The following MTHFD2L variants were observed in gnomAD, a reference collection of about 807,000 sequenced individuals.
MTHFD2L encodes the protein methylenetetrahydrofolate dehydrogenase (NADP+ dependent) 2 like.
MTHFD2L carries 29 observed loss-of-function variants against 34.9 expected under a neutral mutation model. The observed-to-expected ratio is 0.83, with a 90% confidence interval of 0.62 to 1.13. The LOEUF (loss-of-function observed/expected upper bound fraction) is 1.13. Among genes scored for constraint, MTHFD2L ranks in the 50% most tolerant of loss-of-function variants. The pLI is 0.00. For synonymous variants in MTHFD2L, 167 were observed against 155.7 expected (o/e 1.07, Z -0.54); for missense variants, 481 against 446.5 (o/e 1.08, Z -0.70).
chr4:74,191,146 C>T (rs79591712), intron 3 of MTHFD2L, among the ~76,000 whole-genome samples: 7,588 of 152,258 alleles, frequency 0.05, 595 homozygotes, highest in African/African-American at 0.17. Flanking sequence ...GGTGATCCTT[C>T]AACCTCAGCC....
At chr4:74,212,123 T>TA (rs201879436) in intron 5 of MTHFD2L, among the ~76,000 whole-genome samples, 38 of 151,984 alleles carry the variant, frequency 2.5e-4, no homozygotes, top group African/African-American at 8.0e-4. Context: ...TTGTTAATCT[T>TA]AAAAAAAATA....
At chr4:74,239,504 G>C (rs536084055) in intron 6 of MTHFD2L, among the ~76,000 whole-genome samples, 11 of 150,152 alleles carry the variant, frequency 7.3e-5, no homozygotes, top group South Asian at 4.2e-4. Flanking sequence ...AAAAAAAAAG[G>C]CTTCTGGATC....
At chr4:74,270,794 C>A (rs113660724) in intron 6 of MTHFD2L, among the ~76,000 whole-genome samples, 54,045 of 151,600 alleles carry the variant, frequency 0.36, 11,891 homozygotes, top group African/African-American at 0.63. Flanking sequence ...CCAACAGTGT[C>A]AAAGTGTTCC....
At chr4:74,176,990 A>G (rs948472763) in intron 3 of MTHFD2L, among the ~76,000 whole-genome samples, 6 of 151,986 alleles carry the variant, frequency 3.9e-5, no homozygotes, top group African/African-American at 1.4e-4. Context: ...TATATCAAAA[A>G]TTCATACTTC....
At chr4:74,262,040 C>T (rs1309072817) in intron 6 of MTHFD2L, among the ~76,000 whole-genome samples, 2 of 128,334 alleles carry the variant, frequency 1.6e-5, no homozygotes, top group Non-Finnish European at 1.5e-5. Context: ...AAAGCATAGG[C>T]ATAAGAAAAG....
At chr4:74,196,211 G>T (rs1367911904) in intron 3 of MTHFD2L, among the ~76,000 whole-genome samples, 2 of 152,108 alleles carry the variant, frequency 1.3e-5, no homozygotes, top group Non-Finnish European at 2.9e-5. Context: ...AAAAAATATT[G>T]TTTCAATTTG....
intron 1 of MTHFD2L, among the ~76,000 whole-genome samples, chr4:74,162,784 T>G (rs1443387388): frequency 6.6e-6 from 1 of 152,116 alleles, no homozygotes; most frequent in Non-Finnish European, 1.5e-5. Flanking sequence ...GTTGACACAG[T>G]AAATACATGG....
intron 6 of MTHFD2L, among the ~76,000 whole-genome samples, chr4:74,271,301 T>C (rs1161073853): frequency 6.6e-6 from 1 of 152,246 alleles, no homozygotes; most frequent in Non-Finnish European, 1.5e-5. Context: ...TTTATGGTTT[T>C]AGGTCTAATA....
intron 7 of MTHFD2L, among the ~76,000 whole-genome samples, chr4:74,282,373 T>C (rs1747613569): frequency 1.3e-5 from 2 of 152,156 alleles, no homozygotes; most frequent in Non-Finnish European, 2.9e-5. Flanking sequence ...AAAAATACAG[T>C]GCCACATCAA....
rs574497497 is a variant in MTHFD2L at position 74,197,437 on chromosome 4, G to A, written c.452-2357G>A. Among the ~76,000 whole-genome samples the A allele has an allele frequency of 2.0e-5, 3 of 152,234 alleles. No homozygotes were observed. In the East Asian group the frequency reaches 5.8e-4, roughly 29 times the overall value. ...TGCTTTTTTGCATGTGCTTAGACAA[G>A]TATTACTTAATCTAGGAATAGTGTT... On this transcript the variant is annotated intron_variant, in intron 3 of 7. Coordinates refer to ENST00000325278, the MANE Select transcript of MTHFD2L (RefSeq NM_001144978.3).
intron 6 of MTHFD2L, among the ~76,000 whole-genome samples, chr4:74,266,093 A>G (rs1370132873): frequency 6.6e-6 from 1 of 152,230 alleles, no homozygotes; most frequent in African/African-American, 2.4e-5. Flanking sequence ...ACATCCATTA[A>G]GCACTCCTTT....
chr4:74,283,947 C>G (rs1250958359), intron 7 of MTHFD2L, among the ~76,000 whole-genome samples: 1 of 152,088 alleles, frequency 6.6e-6, no homozygotes, highest in Non-Finnish European at 1.5e-5. Flanking sequence ...ATGGGTTATG[C>G]CACAAAACTC....
chr4:74,174,157 A>G (rs1728565725), intron 1 of MTHFD2L, among the ~76,000 whole-genome samples: 1 of 152,062 alleles, frequency 6.6e-6, no homozygotes, highest in Non-Finnish European at 1.5e-5. Context: ...GGACACTAAT[A>G]CCACTTATGA....
At chr4:74,134,238 C>T (rs1333817281) in intron 1 of MTHFD2L, among the ~76,000 whole-genome samples, 1 of 152,086 alleles carries the variant, frequency 6.6e-6, no homozygotes, top group Non-Finnish European at 1.5e-5. Context: ...CATCCTCAGC[C>T]GTAAAAACTC....
At chr4:74,294,511 C>G (rs929067357) in intron 7 of MTHFD2L, among the ~76,000 whole-genome samples, 9 of 152,064 alleles carry the variant, frequency 5.9e-5, no homozygotes, top group Admixed American at 3.3e-4. Context: ...TGACCACGTA[C>G]TTTCTGTTTT....
rs1048950984 is a variant in MTHFD2L, at chr4:74,184,669, A to G, written c.451+9266A>G. Among the ~76,000 whole-genome samples the G allele has an allele frequency of 7.2e-5, 11 of 152,304 alleles. No homozygotes were observed. In the East Asian group the frequency reaches 1.7e-3, roughly 24 times the overall value. On this transcript the variant is annotated intron_variant, in intron 3 of 7. Transcript: ENST00000325278. The stretch of plus-strand genomic sequence containing the variant: ...GTAGTATGATATCAACCAATTTGAC[A>G]TAATTAAAATTTATAGAATACTCTC...
intron 1 of MTHFD2L, among the ~76,000 whole-genome samples, chr4:74,138,865 C>T (rs1389113192): frequency 6.6e-6 from 1 of 152,210 alleles, no homozygotes. Flanking sequence ...CATTGTCCCT[C>T]CCTCTGTGCT....
chr4:74,203,216 T>G (rs1470799253), intron 5 of MTHFD2L, among the ~76,000 whole-genome samples: 1 of 152,154 alleles, frequency 6.6e-6, no homozygotes, highest in Non-Finnish European at 1.5e-5. Context: ...GCCTTAGTTT[T>G]GAAGAGCTCT....
intron 6 of MTHFD2L, among the ~76,000 whole-genome samples, chr4:74,226,893 A>G (rs1739255733): frequency 6.6e-6 from 1 of 152,200 alleles, no homozygotes; most frequent in South Asian, 2.1e-4. Context: ...TAAGTGCTAT[A>G]ATGAAACTGG....
Sources: gnomAD v4.1 joint callset for allele counts (sites outside exome capture counted in the v4.1 genomes callset) on GRCh38, gnomAD v4.1.1 for gene constraint, MANE v1.5 for transcripts, NCBI Gene and HGNC (gene_info 2026-07-23, HGNC 2026-07-21) for gene names.